Variants in ESR1 observed in about 807,000 individuals in gnomAD.
ESR1 encodes the protein estrogen receptor 1.
In ESR1, 12 loss-of-function variants were observed where a neutral mutation model predicts 52.7. The ratio of observed to expected loss-of-function variants is 0.23; its 90% CI spans 0.15 to 0.37. The LOEUF (loss-of-function observed/expected upper bound fraction) is 0.37, where lower values mean the gene tolerates loss of function less well. Among genes scored for constraint, ESR1 ranks in the 10% least tolerant of loss-of-function variants. ESR1 has a pLI of 1.00. For synonymous variants in ESR1, 305 were observed against 316.8 expected, an observed-to-expected ratio of 0.96 and a Z score of 0.39; for missense variants, 584 against 779.7, an observed-to-expected ratio of 0.75 and a Z score of 2.99.
chr6:151,934,490 A>G (rs1229939934), intron 3 of ESR1, among the ~76,000 whole-genome samples: 3 of 152,170 alleles, frequency 2.0e-5, no homozygotes, highest in African/African-American at 7.2e-5. Flanking sequence ...GCATGTGTAC[A>G]TTTTACATAA....
chr6:152,080,200 A>C (rs1436951763), intron 6 of ESR1, among the ~76,000 whole-genome samples: 1 of 152,192 alleles, frequency 6.6e-6, no homozygotes, highest in African/African-American at 2.4e-5. Flanking sequence ...TTCAGATTTA[A>C]AAAGTATGAA....
At chr6:151,812,615 A>T (rs1778992508) in intron 1 of ESR1, among the ~76,000 whole-genome samples, 1 of 152,118 alleles carries the variant, frequency 6.6e-6, no homozygotes, top group South Asian at 2.1e-4. Flanking sequence ...CCTCCCTGTG[A>T]CTTCATTATT....
chr6:151,680,704 G>A (rs963025310), intron 1 of ESR1, among the ~76,000 whole-genome samples: 8 of 152,140 alleles, frequency 5.3e-5, no homozygotes, highest in Non-Finnish European at 1.2e-4. Context: ...CTTTCAGTCC[G>A]TAATAGTTGG....
At chr6:152,126,461 C>A (rs2053485599) in exon 7 of ESR1, 1 of 152,206 alleles carries the variant, frequency 6.6e-6, no homozygotes, top group Non-Finnish European at 1.5e-5. Context: ...ACCCACTGGT[C>A]ATTCTCCTCT....
At chr6:151,986,386 C>T (rs1266450393) in intron 4 of ESR1, among the ~76,000 whole-genome samples, 1 of 151,974 alleles carries the variant, frequency 6.6e-6, no homozygotes, top group Non-Finnish European at 1.5e-5. Context: ...GGAGAAACAG[C>T]TCTCACTTTC....
At chr6:152,108,073 T>G (rs1255635686), downstream of ESR1, among the ~76,000 whole-genome samples, 37 of 152,228 alleles carry the variant, frequency 2.4e-4, 2 homozygotes. Context: ...TTGCATCTCC[T>G]CTGCACATGC....
intron 2 of ESR1, among the ~76,000 whole-genome samples, chr6:151,771,975 C>T (rs563669820): frequency 6.6e-6 from 1 of 152,304 alleles, no homozygotes; most frequent in South Asian, 2.1e-4. Context: ...CTGCTTTTCT[C>T]AGGAGGTTGT....
intron 5 of ESR1, among the ~76,000 whole-genome samples, chr6:152,051,478 G>A (rs952708183): frequency 1.3e-4 from 20 of 152,072 alleles, no homozygotes; most frequent in African/African-American, 4.3e-4. Flanking sequence ...CAGAATTGAC[G>A]CCTCCTCTTG....
intron 2 of ESR1, among the ~76,000 whole-genome samples, chr6:151,780,729 A>T (rs1439826928): frequency 6.6e-6 from 1 of 152,242 alleles, no homozygotes; most frequent in Non-Finnish European, 1.5e-5. Flanking sequence ...CCTAAAGATC[A>T]GTCCATTGAT....
chr6:152,108,188 G>A (rs533573166), downstream of ESR1, among the ~76,000 whole-genome samples: 6 of 152,034 alleles, frequency 3.9e-5, no homozygotes, highest in East Asian at 1.9e-4. Context: ...TGCTTGCCAC[G>A]GCCACAACCT....
intron 1 of ESR1, among the ~76,000 whole-genome samples, chr6:151,657,401 T>C (rs1007459376): frequency 1.3e-5 from 2 of 152,310 alleles, no homozygotes; most frequent in African/African-American, 4.8e-5. Context: ...GTTAAATATT[T>C]TGGGTAACAA....
intron 2 of ESR1, among the ~76,000 whole-genome samples, chr6:151,879,653 C>T (rs529377369): frequency 3.3e-5 from 5 of 152,206 alleles, no homozygotes; most frequent in South Asian, 4.1e-4. Context: ...TTTCTATATC[C>T]GGGGAACTAT....
intron 2 of ESR1, among the ~76,000 whole-genome samples, chr6:151,788,051 CA>C (rs567888398): frequency 9.6e-4 from 146 of 152,106 alleles, no homozygotes; most frequent in Non-Finnish European, 1.4e-3. Context: ...TAGGAATGGG[CA>C]AAAATTTCAT....
At chr6:151,701,807 G>C (rs1226681171) in intron 1 of ESR1, 1 of 152,078 alleles carries the variant, frequency 6.6e-6, no homozygotes, top group Non-Finnish European at 1.5e-5. Context: ...AGTCAAACTA[G>C]CTTTAATTAA....
chr6:151,762,464 C>A (rs1303164858), intron 2 of ESR1, among the ~76,000 whole-genome samples: 1 of 152,108 alleles, frequency 6.6e-6, no homozygotes. Context: ...GTTGCTGTCA[C>A]CTTTAAGGGG....
At chr6:151,704,918 A>G (rs578041345) in intron 2 of ESR1, among the ~76,000 whole-genome samples, 1 of 151,146 alleles carries the variant, frequency 6.6e-6, no homozygotes, top group East Asian at 2.0e-4. Context: ...CAGGTTATGT[A>G]TGCAGGCAGA....
chr6:151,900,079 C>T (rs1333269013), intron 3 of ESR1, among the ~76,000 whole-genome samples: 8 of 152,208 alleles, frequency 5.3e-5, no homozygotes, highest in African/African-American at 1.2e-4. Flanking sequence ...GCTGAGATCA[C>T]GCCACTGCAC....
intron 6 of ESR1, among the ~76,000 whole-genome samples, chr6:152,076,863 T>A (rs748009367): frequency 2.6e-5 from 4 of 152,226 alleles, no homozygotes; most frequent in African/African-American, 4.8e-5. Flanking sequence ...TGGGTGTTGT[T>A]AAAACCATTC....
intron 5 of ESR1, among the ~76,000 whole-genome samples, chr6:152,037,315 T>G (rs2045393583): frequency 6.6e-6 from 1 of 152,054 alleles, no homozygotes; most frequent in African/African-American, 2.4e-5. Context: ...ATAGTAAGAA[T>G]GATGAGGAAA....
Sources: allele counts gnomAD v4.1 joint callset (sites outside exome capture counted in the v4.1 genomes callset), GRCh38; gene constraint gnomAD v4.1.1; transcripts MANE v1.5; gene names NCBI Gene and HGNC (gene_info 2026-07-23, HGNC 2026-07-21).